PPP6R3: variants seen among roughly 807,000 people sequenced by gnomAD.
The protein encoded by PPP6R3 is protein phosphatase 6 regulatory subunit 3, also known as serine/threonine-protein phosphatase 6 regulatory subunit 3.
PPP6R3 carries 38 observed loss-of-function variants against 110.7 expected under a neutral mutation model. The observed-to-expected ratio is 0.34, with a 90% confidence interval of 0.26 to 0.45. The LOEUF (loss-of-function observed/expected upper bound fraction) is 0.45, where lower values mean the gene tolerates loss of function less well. PPP6R3 is among the 20% of genes least tolerant of loss of function. The pLI is 1.00. For missense variants in PPP6R3, 870 were observed against 1,062.4 expected (o/e 0.82, Z 2.52); for synonymous variants, 369 against 373.5 (o/e 0.99, Z 0.14).
At chr11:68,497,933 A>T (rs1319684062) in intron 1 of PPP6R3, among the ~76,000 whole-genome samples, 1 of 152,142 alleles carries the variant, frequency 6.6e-6, no homozygotes, top group Admixed American at 6.5e-5. Flanking sequence ...CTTGGTTCAG[A>T]TGAGATCATT....
intron 2 of PPP6R3, among the ~76,000 whole-genome samples, chr11:68,527,811 T>C (rs2099208304): frequency 6.6e-6 from 1 of 152,186 alleles, no homozygotes; most frequent in South Asian, 2.1e-4. Context: ...ACCCAAAGGC[T>C]CCTCCTTCCT....
intron 1 of PPP6R3, among the ~76,000 whole-genome samples, chr11:68,476,203 G>A (rs907876730): frequency 3.3e-5 from 5 of 152,248 alleles, no homozygotes; most frequent in African/African-American, 1.2e-4. Flanking sequence ...GATTCCGTCT[G>A]CAATTCCGGC....
intron 2 of PPP6R3, among the ~76,000 whole-genome samples, chr11:68,532,337 G>A (rs1421781559): frequency 6.6e-6 from 1 of 152,168 alleles, no homozygotes; most frequent in East Asian, 1.9e-4. Flanking sequence ...AGGAAGGTGG[G>A]GAACAGCAGA....
At chr11:68,508,817 AGGTTGTGTGACAGGGT>A (rs2099092835) in intron 1 of PPP6R3, among the ~76,000 whole-genome samples, 2 of 151,720 alleles carry the variant, frequency 1.3e-5, no homozygotes, top group Non-Finnish European at 2.9e-5. Context: ...TGACAGGGTT[AGGTTGTGTGACAGGGT>A]TAGGTTGTGT....
At chr11:68,477,249 G>A (rs1384021565) in intron 1 of PPP6R3, among the ~76,000 whole-genome samples, 1 of 151,758 alleles carries the variant, frequency 6.6e-6, no homozygotes, top group African/African-American at 2.4e-5. Flanking sequence ...TGGGGGATGG[G>A]GGTGGGTGTT....
intron 15 of PPP6R3, chr11:68,587,704 CAGTG>C: frequency 3.3e-6 from 2 of 605,592 alleles, no homozygotes; most frequent in South Asian, 3.7e-5. Flanking sequence ...GTGTTTCTTA[CAGTG>C]ACATGTGCAT....
chr11:68,510,894 CTA>C (rs1190098221), intron 1 of PPP6R3, among the ~76,000 whole-genome samples: 2 of 152,084 alleles, frequency 1.3e-5, no homozygotes, highest in Non-Finnish European at 2.9e-5. Context: ...TAACCAGTGT[CTA>C]TTGATTTTCT....
At chr11:68,604,479 C>T (rs148534062) in intron 22 of PPP6R3, among the ~76,000 whole-genome samples, 96 of 152,290 alleles carry the variant, frequency 6.3e-4, no homozygotes, top group Non-Finnish European at 1.2e-3. Flanking sequence ...TAGAAGTATT[C>T]CCTTTAAAGA....
chr11:68,520,516 T>C (rs1349401457), intron 2 of PPP6R3, among the ~76,000 whole-genome samples: 1 of 152,208 alleles, frequency 6.6e-6, no homozygotes, highest in Non-Finnish European at 1.5e-5. Flanking sequence ...GGATGTTTCC[T>C]AGGCATCTGA....
intron 2 of PPP6R3, among the ~76,000 whole-genome samples, chr11:68,534,928 C>T (rs2099261958): frequency 6.6e-6 from 1 of 152,118 alleles, no homozygotes. Flanking sequence ...TTCCCTCTTC[C>T]ATTGAAGTTA....
chr11:68,593,848 GTC>G (rs1348964503), intron 18 of PPP6R3, among the ~76,000 whole-genome samples: 1 of 151,986 alleles, frequency 6.6e-6, no homozygotes, highest in Non-Finnish European at 1.5e-5. Flanking sequence ...GCAAAACCCT[GTC>G]TCTACAAAAA....
chr11:68,501,529 G>A (rs1425394867), intron 1 of PPP6R3, among the ~76,000 whole-genome samples: 1 of 152,246 alleles, frequency 6.6e-6, no homozygotes, highest in East Asian at 1.9e-4. Flanking sequence ...GTTTCACCAT[G>A]TTGGCCAGGC....
intron 4 of PPP6R3, among the ~76,000 whole-genome samples, chr11:68,547,747 G>T (rs2153686340): frequency 1.3e-5 from 2 of 152,232 alleles, no homozygotes; most frequent in South Asian, 4.2e-4. Context: ...ATATTCTCTT[G>T]CTCTTTATAG....
chr11:68,595,215 T>C (rs1269289386), intron 18 of PPP6R3, among the ~76,000 whole-genome samples: 1 of 118,370 alleles, frequency 8.4e-6, no homozygotes, highest in African/African-American at 5.2e-5. Flanking sequence ...TTTTTTTTTT[T>C]TTTTTTTTTT....
intron 1 of PPP6R3, among the ~76,000 whole-genome samples, chr11:68,476,508 A>G (rs945838969): frequency 2.6e-5 from 4 of 152,024 alleles, no homozygotes; most frequent in Non-Finnish European, 5.9e-5. Flanking sequence ...CTTAAACAGT[A>G]TGTTTAGGTC....
intron 1 of PPP6R3, among the ~76,000 whole-genome samples, chr11:68,494,472 T>C (rs922293088): frequency 1.6e-4 from 24 of 146,480 alleles, no homozygotes; most frequent in Non-Finnish European, 3.3e-4. Flanking sequence ...AATAGATGAG[T>C]GGACCTGTTT....
At chr11:68,571,781 G>C (rs1232954062) in intron 12 of PPP6R3, among the ~76,000 whole-genome samples, 2 of 152,142 alleles carry the variant, frequency 1.3e-5, no homozygotes, top group African/African-American at 4.8e-5. Context: ...TTTAAGACAG[G>C]TTTATTGAGA....
At chr11:68,594,318 GAAA>G (rs1421363975) in intron 18 of PPP6R3, among the ~76,000 whole-genome samples, 3 of 142,202 alleles carry the variant, frequency 2.1e-5, no homozygotes, top group African/African-American at 8.1e-5. Context: ...GAGAGAGAGA[GAAA>G]AAGAGAGAGA....
At chr11:68,528,431 TG>T (rs1278766524) in intron 2 of PPP6R3, among the ~76,000 whole-genome samples, 2 of 36,032 alleles carry the variant, frequency 5.6e-5, no homozygotes, top group Admixed American at 3.4e-4. Context: ...AATTTGTGTG[TG>T]TGGGGGGGGG....
Sources: allele counts gnomAD v4.1 joint callset (sites outside exome capture counted in the v4.1 genomes callset), GRCh38; gene constraint gnomAD v4.1.1; transcripts MANE v1.5; gene names NCBI Gene and HGNC (gene_info 2026-07-23, HGNC 2026-07-21).